PLPP4: variants seen among roughly 807,000 people sequenced by gnomAD.
PLPP4 encodes the protein diacylglycerol pyrophosphate like 2.
PLPP4 carries 20 observed loss-of-function variants against 32.2 expected under a neutral mutation model. The observed-to-expected ratio is 0.62, with a 90% CI of 0.44 to 0.90. The LOEUF (loss-of-function observed/expected upper bound fraction) is 0.90, where lower values mean the gene tolerates loss of function less well. Ranked by LOEUF, PLPP4 falls within the 40% of genes least tolerant of loss-of-function variation. PLPP4 has a pLI of 0.00. For missense variants in PLPP4, 257 were observed against 353.1 expected, an observed-to-expected ratio of 0.73 and a Z score of 2.18; for synonymous variants, 127 against 133.0, an observed-to-expected ratio of 0.95 and a Z score of 0.31.
At chr10:120,500,605 G>T (rs1288743325) in intron 1 of PLPP4, among the ~76,000 whole-genome samples, 2 of 148,608 alleles carry the variant, frequency 1.3e-5, no homozygotes, top group East Asian at 2.1e-4. Flanking sequence ...TACCTGCTGT[G>T]GGGGAAGCCA....
chr10:120,464,045 TCCTCCCACTTTGG>T (rs1280774369), intron 1 of PLPP4, among the ~76,000 whole-genome samples: 2 of 152,162 alleles, frequency 1.3e-5, no homozygotes, highest in Non-Finnish European at 2.9e-5. Context: ...GCTCACAAGA[TCCTCCCACTTTGG>T]CCTCCCAGAG....
At chr10:120,571,877 T>G (rs1387670742) in intron 5 of PLPP4, among the ~76,000 whole-genome samples, 4 of 152,194 alleles carry the variant, frequency 2.6e-5, no homozygotes, top group Non-Finnish European at 2.9e-5. Flanking sequence ...TCAAAGGATA[T>G]TATGTTAGTT....
chr10:120,568,884 A>G (rs1671006320), intron 5 of PLPP4, among the ~76,000 whole-genome samples: 1 of 152,118 alleles, frequency 6.6e-6, no homozygotes, highest in African/African-American at 2.4e-5. Flanking sequence ...TTTCATAAGC[A>G]TTTTTCATCA....
At chr10:120,512,076 A>T (rs900394632) in intron 2 of PLPP4, among the ~76,000 whole-genome samples, 2 of 152,118 alleles carry the variant, frequency 1.3e-5, no homozygotes, top group Admixed American at 6.5e-5. Context: ...CCTGGGTGAC[A>T]GAGTGAGACT....
Position 120,590,891 on chromosome 10 carries a change from C to T in PLPP4, c.*1389C>T, listed in dbSNP as rs1849972572. ...TCAAGCTATTCTCGTGCCTCAGCCT[C>T]CCAAGTAGCTAGGACTACAGGTGCC... On this transcript the variant is annotated 3_prime_UTR_variant, in exon 7 of 7. Coordinates refer to ENST00000398250, the MANE Select transcript of PLPP4 (RefSeq NM_001030059.3). Among the ~76,000 whole-genome samples, 1 of 151,792 alleles carries T rather than the reference C, an allele frequency of 6.6e-6. No homozygotes were observed. The highest frequency in any genetic ancestry group is 2.4e-5 in the African/African-American group (1 of 41,306).
intron 5 of PLPP4, among the ~76,000 whole-genome samples, chr10:120,574,129 TACACACACACAC>T (rs751622346): frequency 3.5e-5 from 2 of 56,994 alleles, no homozygotes; most frequent in African/African-American, 1.2e-4. Context: ...ATCTGGGGAG[TACACACACACAC>T]ACACACACAC....
At chr10:120,528,482 AT>A (rs1846534506) in intron 5 of PLPP4, among the ~76,000 whole-genome samples, 1 of 152,154 alleles carries the variant, frequency 6.6e-6, no homozygotes, top group African/African-American at 2.4e-5. Flanking sequence ...CTCAACTTGT[AT>A]GGTTTCTCTT....
chr10:120,475,863 C>T (rs1005543040), intron 1 of PLPP4, among the ~76,000 whole-genome samples: 13 of 151,356 alleles, frequency 8.6e-5, no homozygotes, highest in Non-Finnish European at 1.0e-4. Context: ...GTAACACTCA[C>T]CTTCTTTGTT....
chr10:120,503,758 G>A, intron 1 of PLPP4, 60 bp from the exon 2 acceptor site: 4 of 1,590,912 alleles, frequency 2.5e-6, no homozygotes, highest in Non-Finnish European at 2.6e-6. Context: ...GGGCCTCCTT[G>A]GGAACTTCCC....
intron 5 of PLPP4, among the ~76,000 whole-genome samples, chr10:120,545,284 T>C (rs1347424329): frequency 6.6e-6 from 1 of 152,224 alleles, no homozygotes; most frequent in Non-Finnish European, 1.5e-5. Context: ...ACGAAAGCAA[T>C]TTAATAGGAT....
chr10:120,579,287 C>A (rs1036584888), intron 6 of PLPP4, among the ~76,000 whole-genome samples: 4 of 152,108 alleles, frequency 2.6e-5, no homozygotes, highest in Non-Finnish European at 5.9e-5. Context: ...AGAACATCCC[C>A]CTCTGGATGT....
intron 5 of PLPP4, among the ~76,000 whole-genome samples, chr10:120,549,944 A>T (rs567527030): frequency 2.6e-5 from 4 of 152,134 alleles, no homozygotes; most frequent in South Asian, 4.1e-4. Context: ...AGAGATGTCT[A>T]TTTCTACTGT....
rs759613738 is a variant in PLPP4, at chr10:120,589,320, G to A, written c.634G>A (p.Val212Ile). 92 of 1,614,032 alleles carry A rather than the reference G, an allele frequency of 5.7e-5. No homozygotes were observed. The highest frequency in any genetic ancestry group is 7.6e-5 in the Non-Finnish European group (90 of 1,180,030). ...HHWQDSFVGG[V>I]IGLIFAYICY... ...CTGCCTAGATTCCTTTGTGGGTGGA[G>A]TCATCGGCCTCATTTTTGCATACAT... Residue 212 changes from valine to isoleucine, a missense_variant, in exon 7 of 7, where the codon GTC becomes ATC. Physicochemically the swap from Val to Ile is conservative, Grantham distance 29 (BLOSUM62 3). Transcript: ENST00000398250.
chr10:120,584,820 T>C (rs1849676319), intron 6 of PLPP4, among the ~76,000 whole-genome samples: 1 of 151,680 alleles, frequency 6.6e-6, no homozygotes, highest in East Asian at 1.9e-4. Context: ...GATAGACCTT[T>C]CATTGCCCTT....
chr10:120,541,701 G>A (rs1046965682), intron 5 of PLPP4, among the ~76,000 whole-genome samples: 5 of 151,802 alleles, frequency 3.3e-5, no homozygotes, highest in Admixed American at 6.6e-5. Context: ...GTTGTTCAAA[G>A]CAAAAATAAA....
chr10:120,460,929 C>A (rs1232233673), intron 1 of PLPP4, among the ~76,000 whole-genome samples: 5 of 152,210 alleles, frequency 3.3e-5, no homozygotes, highest in Admixed American at 6.5e-5. Flanking sequence ...TTCAAACAGG[C>A]AGCTGACCCC....
At chr10:120,523,460 T>A (rs1260276642) in intron 5 of PLPP4, among the ~76,000 whole-genome samples, 3 of 152,222 alleles carry the variant, frequency 2.0e-5, no homozygotes, top group African/African-American at 7.2e-5. Context: ...GCCTTGTAGT[T>A]ACCAGCTGGA....
chr10:120,560,666 A>G (rs1237274556), intron 5 of PLPP4, among the ~76,000 whole-genome samples: 1 of 152,160 alleles, frequency 6.6e-6, no homozygotes, highest in Non-Finnish European at 1.5e-5. Context: ...GAGGCAGGAG[A>G]ATCATTTGAA....
intron 5 of PLPP4, among the ~76,000 whole-genome samples, chr10:120,556,182 G>A (rs927285855): frequency 3.3e-5 from 5 of 152,186 alleles, no homozygotes; most frequent in African/African-American, 1.2e-4. Flanking sequence ...CTGTTGTCAG[G>A]CTTCTGGTAG....
Sources: gnomAD v4.1 joint callset for allele counts (sites outside exome capture counted in the v4.1 genomes callset) on GRCh38, gnomAD v4.1.1 for gene constraint, MANE v1.5 for transcripts, NCBI Gene and HGNC (gene_info 2026-07-23, HGNC 2026-07-21) for gene names.